GRID2: variants seen among roughly 807,000 people sequenced by gnomAD.
GRID2 encodes glutamate receptor ionotropic, delta-2.
Under a neutral mutation model 114.8 loss-of-function variants are expected in GRID2, and 33 were observed. The ratio of observed to expected loss-of-function variants is 0.29; its 90% CI spans 0.22 to 0.38. GRID2 has a LOEUF of 0.38. GRID2 is among the 10% of genes least tolerant of loss of function. The pLI is 1.00. For missense variants in GRID2, 1,184 were observed against 1,257.7 expected (o/e 0.94, Z 0.89); for synonymous variants, 505 against 449.9 (o/e 1.12, Z -1.55).
chr4:93,222,655 C>T (rs1458773289), intron 6 of GRID2, among the ~76,000 whole-genome samples: 1 of 151,944 alleles, frequency 6.6e-6, no homozygotes, highest in Non-Finnish European at 1.5e-5. Flanking sequence ...GTGATGTTCC[C>T]CATCCTGTGT....
At chr4:93,242,269 T>G (rs1747616354) in intron 8 of GRID2, among the ~76,000 whole-genome samples, 1 of 151,954 alleles carries the variant, frequency 6.6e-6, no homozygotes, top group African/African-American at 2.4e-5. Context: ...AAATAGCTGC[T>G]GTGGCAAACA....
At chr4:92,349,389 C>G (rs1371136118) in intron 1 of GRID2, among the ~76,000 whole-genome samples, 1 of 151,730 alleles carries the variant, frequency 6.6e-6, no homozygotes, top group African/African-American at 2.4e-5. Flanking sequence ...ATTATTATCT[C>G]AGAGATGTCA....
Position 93,114,163 on chromosome 4 carries a change from G to T in GRID2, c.735+3210G>T, listed in dbSNP as rs59262999. Reference sequence around the variant, plus strand: ...TGGAAAAAGAATATTGATGAGCTAAGACCCCAGAGTGTTAGAATTCATGAA... The same window carrying T: ...TGGAAAAAGAATATTGATGAGCTAATACCCCAGAGTGTTAGAATTCATGAA... On this transcript the variant is annotated intron_variant, in intron 4 of 15. Coordinates refer to ENST00000282020, the MANE Select transcript of GRID2 (RefSeq NM_001510.4). Among the ~76,000 whole-genome samples the T allele has an allele frequency of 7.3e-3, 1,104 of 152,150 alleles. 21 individuals carry two copies. Among genetic ancestry groups the T allele is most frequent in the African/African-American group, 0.025 (1,056 of 41,514 alleles).
intron 2 of GRID2, among the ~76,000 whole-genome samples, chr4:92,843,986 CGT>C (rs1363462805): frequency 2.6e-5 from 4 of 151,936 alleles, no homozygotes; most frequent in African/African-American, 9.7e-5. Flanking sequence ...AAAATGCTGA[CGT>C]AGTTTATTAT....
At chr4:93,427,709 G>C (rs1768989633) in intron 10 of GRID2, among the ~76,000 whole-genome samples, 1 of 151,960 alleles carries the variant, frequency 6.6e-6, no homozygotes, top group Non-Finnish European at 1.5e-5. Flanking sequence ...CAGTCAGAGA[G>C]AGAGAGAAAA....
chr4:92,676,785 T>C (rs1733395953), intron 2 of GRID2, among the ~76,000 whole-genome samples: 1 of 152,004 alleles, frequency 6.6e-6, no homozygotes, highest in Non-Finnish European at 1.5e-5. Context: ...ACAGCCAAAA[T>C]AAGTGAAATC....
rs189949336 is a variant in GRID2, at chr4:93,788,646, A to G, written c.222-18069A>G. 5.3e-3 allele frequency among the ~76,000 whole-genome samples: 809 copies of G among 152,326 alleles called. 6 individuals are homozygous for G. Among genetic ancestry groups the G allele is most frequent in the African/African-American group, 0.018 (762 of 41,580 alleles). ...AAGATGGGAAGTTATTCAATGGGCA[A>G]TATAATGTTGAGTAACCAAATTATA... is the stretch of plus-strand genomic sequence containing the variant. On this transcript the variant is annotated intron_variant, in intron 1 of 1. Transcript: ENST00000637838.
At chr4:93,471,511 T>C (rs977994671) in intron 11 of GRID2, among the ~76,000 whole-genome samples, 2 of 152,024 alleles carry the variant, frequency 1.3e-5, no homozygotes, top group African/African-American at 4.8e-5. Context: ...GATGATCTAG[T>C]ACTTTTGATC....
chr4:93,022,900 C>A (rs1321159766), intron 2 of GRID2, among the ~76,000 whole-genome samples: 2 of 151,770 alleles, frequency 1.3e-5, no homozygotes, highest in Non-Finnish European at 2.9e-5. Flanking sequence ...TCACTTGTGT[C>A]GTTTTTCAAT....
At chr4:93,651,674 G>C (rs552004481) in intron 14 of GRID2, among the ~76,000 whole-genome samples, 1 of 152,158 alleles carries the variant, frequency 6.6e-6, no homozygotes, top group African/African-American at 2.4e-5. Context: ...TATATACTGA[G>C]ACTGGTAGAT....
rs372372074 is a variant in GRID2, at chr4:93,380,164, C to T, written c.1246-15443C>T. On this transcript the variant is annotated intron_variant, in intron 8 of 15. Transcript: ENST00000282020. ...TCGTTATGGAATATCTGAGTGGGCTCCAAATCTAATGGCAAGTATCTTTAT... is the reference window on the plus strand; with the variant it reads ...TCGTTATGGAATATCTGAGTGGGCTTCAAATCTAATGGCAAGTATCTTTAT... 1.9e-4 allele frequency among the ~76,000 whole-genome samples: 29 copies of T among 152,024 alleles called. No homozygotes were observed. In the East Asian group the frequency reaches 5.4e-3, roughly 28 times the overall value.
chr4:92,468,565 T>C (rs151302909), intron 1 of GRID2, among the ~76,000 whole-genome samples: 20 of 152,222 alleles, frequency 1.3e-4, no homozygotes, highest in African/African-American at 4.6e-4. Flanking sequence ...TTAAGTAAGA[T>C]ACAGTTTTTG....
chr4:92,396,593 C>T (rs1166960451), intron 1 of GRID2, among the ~76,000 whole-genome samples: 3 of 151,888 alleles, frequency 2.0e-5, no homozygotes, highest in Non-Finnish European at 2.9e-5. Flanking sequence ...AGCCTAATTA[C>T]GGAGATGAGG....
At position 92,380,811 on chromosome 4, in the gene GRID2, A is replaced by C. The variant is rs557280619; in HGVS notation, c.88+76067A>C. On this transcript the variant is annotated intron_variant, in intron 1 of 15. Transcript: ENST00000282020. ...TTAGTTGGTCTTAGTTGTAAATTTG[A>C]CTAATTAAATTATATAACCAAAATG... Among the ~76,000 whole-genome samples the C allele has an allele frequency of 2.4e-3, 370 of 152,124 alleles. 1 individual carries two copies. The highest frequency in any genetic ancestry group is 8.6e-3 in the African/African-American group (356 of 41,552).
At chr4:93,794,216 G>A (rs1454508102) in intron 1 of GRID2, among the ~76,000 whole-genome samples, 5 of 152,252 alleles carry the variant, frequency 3.3e-5, no homozygotes, top group Middle Eastern at 3.4e-3. Context: ...GCAGTGATAC[G>A]TCTGTGGAGT....
chr4:93,589,372 G>A (rs560514148), intron 13 of GRID2, among the ~76,000 whole-genome samples: 53 of 151,826 alleles, frequency 3.5e-4, no homozygotes, highest in Admixed American at 6.6e-4. Context: ...TCCCTACAAA[G>A]GACATGAACT....
chr4:93,765,611 T>C (rs199838021), intron 14 of GRID2, among the ~76,000 whole-genome samples: 1 of 16,254 alleles, frequency 6.2e-5, no homozygotes, highest in South Asian at 1.8e-3. Flanking sequence ...TGAGGTATTA[T>C]ATATATATAT....
chr4:93,089,396 G>C (rs1730588621), intron 3 of GRID2, among the ~76,000 whole-genome samples: 1 of 152,112 alleles, frequency 6.6e-6, no homozygotes, highest in East Asian at 1.9e-4. Flanking sequence ...GGACAAAACA[G>C]GCTGACCTAT....
rs148549586 is a variant in GRID2, at chr4:92,824,781, G to T, written c.244+234495G>T. Among the ~76,000 whole-genome samples, 577 of 151,960 alleles carry T rather than the reference G, an allele frequency of 3.8e-3. 2 individuals carry two copies. The highest frequency in any genetic ancestry group is 0.013 in the African/African-American group (549 of 41,488). ...TTGACTAAGAAATTAACTTTAAATT[G>T]CCTCTATAAACATTAAACTTTACCT... On this transcript the variant is annotated intron_variant, in intron 2 of 15. Transcript: ENST00000282020.
Sources: gnomAD v4.1 joint callset for allele counts (sites outside exome capture counted in the v4.1 genomes callset) on GRCh38, gnomAD v4.1.1 for gene constraint, MANE v1.5 for transcripts, NCBI Gene and HGNC (gene_info 2026-07-23, HGNC 2026-07-21) for gene names.